ANKFN1: variants seen among roughly 807,000 people sequenced by gnomAD.
ANKFN1 encodes the protein ankyrin repeat and fibronectin type III domain containing 1.
Under a neutral mutation model 108.7 loss-of-function variants are expected in ANKFN1, and 74 were observed. The observed-to-expected ratio is 0.68, with a 90% CI of 0.56 to 0.83. The LOEUF (loss-of-function observed/expected upper bound fraction) is 0.83. ANKFN1 is among the 40% of genes least tolerant of loss of function. The pLI, the probability that ANKFN1 is intolerant of heterozygous loss-of-function variation, is 0.00. For synonymous variants in ANKFN1, 547 were observed against 516.2 expected, an observed-to-expected ratio of 1.06 and a Z score of -0.81; for missense variants, 1,505 against 1,382.3, an observed-to-expected ratio of 1.09 and a Z score of -1.41.
At chr17:56,122,585 A>T (rs558162929) in intron 4 of ANKFN1, among the ~76,000 whole-genome samples, 1 of 152,294 alleles carries the variant, frequency 6.6e-6, no homozygotes, top group East Asian at 1.9e-4. Flanking sequence ...AGAAAACTTC[A>T]TTCATCCCCT....
intron 4 of ANKFN1, among the ~76,000 whole-genome samples, chr17:56,072,997 T>TC (rs1297232839): frequency 1.3e-5 from 2 of 149,540 alleles, no homozygotes; most frequent in African/African-American, 5.0e-5. Flanking sequence ...TTTATTATTT[T>TC]CTTTTTTTTT....
intron 4 of ANKFN1, among the ~76,000 whole-genome samples, chr17:56,129,394 A>C (rs1240883924): frequency 6.6e-6 from 1 of 152,170 alleles, no homozygotes; most frequent in Non-Finnish European, 1.5e-5. Context: ...GTAATTCAGA[A>C]AATGGTGTAG....
chr17:56,274,346 G>A lies in ANKFN1; in HGVS notation c.53+46389G>A, dbSNP rs556574814. 5.3e-5 allele frequency among the ~76,000 whole-genome samples: 8 copies of A among 152,184 alleles called. No homozygotes were observed. In the East Asian group the frequency reaches 1.2e-3, roughly 22 times the overall value. On this transcript the variant is annotated intron_variant, in intron 3 of 20. Coordinates refer to ENST00000682825, the MANE Select transcript of ANKFN1 (RefSeq NM_001370326.1). Reference sequence around the variant, plus strand: ...AAATTAGCTGGGCGTGGTGGCGGGCGCCTGTAGTCCCAGCTACTCAGGAGG... The same window carrying A: ...AAATTAGCTGGGCGTGGTGGCGGGCACCTGTAGTCCCAGCTACTCAGGAGG...
At chr17:56,408,233 C>G (rs1053453657) in intron 8 of ANKFN1, among the ~76,000 whole-genome samples, 1 of 152,122 alleles carries the variant, frequency 6.6e-6, no homozygotes, top group African/African-American at 2.4e-5. Flanking sequence ...CCACACCCAG[C>G]CAATATTTAA....
At chr17:56,402,327 T>C (rs1189800479) in intron 8 of ANKFN1, among the ~76,000 whole-genome samples, 1 of 152,090 alleles carries the variant, frequency 6.6e-6, no homozygotes, top group East Asian at 1.9e-4. Context: ...TCTTGGACTT[T>C]TTGGTGGTAA....
intron 8 of ANKFN1, among the ~76,000 whole-genome samples, chr17:56,413,428 C>T (rs1330251714): frequency 6.6e-6 from 1 of 152,118 alleles, no homozygotes; most frequent in Non-Finnish European, 1.5e-5. Context: ...TTTCTCTTGC[C>T]TGATTGCCCT....
At chr17:56,211,979 AC>A (rs1417106509) in intron 1 of ANKFN1, among the ~76,000 whole-genome samples, 5 of 152,016 alleles carry the variant, frequency 3.3e-5, no homozygotes, top group Admixed American at 1.3e-4. Context: ...GAATTCACTT[AC>A]CAGTTCTAGG....
At chr17:56,454,540 C>A (rs1226751473) in intron 11 of ANKFN1, among the ~76,000 whole-genome samples, 3 of 152,130 alleles carry the variant, frequency 2.0e-5, no homozygotes, top group African/African-American at 7.2e-5. Context: ...GAAGGGAAAT[C>A]AATAGCCATT....
intron 2 of ANKFN1, among the ~76,000 whole-genome samples, chr17:56,216,732 T>G (rs1195682254): frequency 6.6e-6 from 1 of 152,222 alleles, no homozygotes; most frequent in Non-Finnish European, 1.5e-5. Flanking sequence ...TCAGTTTACC[T>G]ATCTGTAAAG....
Position 56,510,497 on chromosome 17 carries a change from A to C in ANKFN1, c.2669A>C (p.Glu890Ala), listed in dbSNP as rs1446669415. The C allele has an allele frequency of 1.3e-6, 2 of 1,536,130 alleles. No individual in the cohort carries two copies. Among genetic ancestry groups the C allele is most frequent in the Non-Finnish European group, 1.7e-6 (2 of 1,146,898 alleles). Reference protein sequence around the residue: ...VSDSQPCSDEEACSEVFLPTN... With the variant: ...VSDSQPCSDEAACSEVFLPTN... ...GATTCACAGCCCTGCTCTGATGAAG[A>C]AGCCTGCTCAGAAGTCTTCCTCCCC... The change falls in exon 21 of 21, where the codon GAA becomes GCA. Residue 890 changes from glutamate to alanine, a missense_variant. By Grantham distance (107) the Glu-to-Ala change is moderately radical (BLOSUM62 -1). Coordinates refer to ENST00000682825, the MANE Select transcript of ANKFN1 (RefSeq NM_001370326.1).
At chr17:56,070,249 G>A (rs916416854) in intron 4 of ANKFN1, among the ~76,000 whole-genome samples, 1 of 152,186 alleles carries the variant, frequency 6.6e-6, no homozygotes, top group Non-Finnish European at 1.5e-5. Flanking sequence ...AGGTGTCCGG[G>A]CAGGACTGCC....
intron 20 of ANKFN1, among the ~76,000 whole-genome samples, chr17:56,499,301 C>A (rs779233990): frequency 1.3e-5 from 2 of 151,984 alleles, no homozygotes; most frequent in Non-Finnish European, 2.9e-5. Flanking sequence ...AAGATCAATG[C>A]CATTTAGGGA....
chr17:56,470,945 A>G (rs1167864268), intron 15 of ANKFN1, among the ~76,000 whole-genome samples: 3 of 152,160 alleles, frequency 2.0e-5, no homozygotes, highest in Non-Finnish European at 4.4e-5. Context: ...TGCTCCGACC[A>G]TTCTCTTCAG....
intron 1 of ANKFN1, among the ~76,000 whole-genome samples, chr17:56,205,402 T>G (rs1914446752): frequency 6.6e-6 from 1 of 152,236 alleles, no homozygotes; most frequent in Non-Finnish European, 1.5e-5. Context: ...TAAAAGTTGA[T>G]GCAAATATTT....
At chr17:56,501,727 A>T (rs1318849900) in intron 20 of ANKFN1, among the ~76,000 whole-genome samples, 1 of 152,100 alleles carries the variant, frequency 6.6e-6, no homozygotes, top group African/African-American at 2.4e-5. Context: ...AGAAGAGGAG[A>T]CTGTGGAAGG....
chr17:56,155,702 G>T (rs958149975), intron 1 of ANKFN1, among the ~76,000 whole-genome samples: 1 of 152,154 alleles, frequency 6.6e-6, no homozygotes, highest in African/African-American at 2.4e-5. Context: ...GGTGCCTGGG[G>T]CAGAAACAGA....
At chr17:56,097,268 C>A (rs1399241481) in intron 4 of ANKFN1, among the ~76,000 whole-genome samples, 1 of 135,436 alleles carries the variant, frequency 7.4e-6, no homozygotes, top group Non-Finnish European at 1.7e-5. Context: ...TAGGCAATAA[C>A]TTAAAAATGA....
At chr17:56,333,994 A>G (rs560884493) in intron 4 of ANKFN1, among the ~76,000 whole-genome samples, 54 of 152,206 alleles carry the variant, frequency 3.5e-4, no homozygotes, top group African/African-American at 1.2e-3. Context: ...AGAAAATGAT[A>G]CATCTTGTTG....
At chr17:56,124,175 C>T (rs956488584) in intron 4 of ANKFN1, among the ~76,000 whole-genome samples, 2 of 152,156 alleles carry the variant, frequency 1.3e-5, no homozygotes, top group Non-Finnish European at 2.9e-5. Flanking sequence ...ACATTTCTAA[C>T]AAATTTACAA....
Sources: allele counts gnomAD v4.1 joint callset (sites outside exome capture counted in the v4.1 genomes callset), GRCh38; gene constraint gnomAD v4.1.1; transcripts MANE v1.5; gene names NCBI Gene and HGNC (gene_info 2026-07-23, HGNC 2026-07-21).